The following GCNT1 variants were observed in gnomAD, a reference collection of about 807,000 sequenced individuals.
GCNT1 encodes the protein beta-1,3-galactosyl-O-glycosyl-glycoprotein beta-1,6-N-acetylglucosaminyltransferase.
In GCNT1, 16 loss-of-function variants were observed where a neutral mutation model predicts 26.2. The ratio of observed to expected loss-of-function variants is 0.61; its 90% CI spans 0.41 to 0.93. The LOEUF (loss-of-function observed/expected upper bound fraction) is 0.93. Ranked by LOEUF, GCNT1 falls within the 40% of genes least tolerant of loss-of-function variation. GCNT1 has a pLI of 0.00. For missense variants in GCNT1, 477 were observed against 526.7 expected (o/e 0.91, Z 0.92); for synonymous variants, 183 against 190.8 (o/e 0.96, Z 0.34).
chr9:76,402,513 A>G, the GCNT1 span, among the ~76,000 whole-genome samples: 18 of 152,152 alleles, frequency 1.2e-4, no homozygotes, highest in Admixed American at 1.2e-3. Context: ...AGAGCCTACG[A>G]CCTACTAAAC....
intron 2 of GCNT1, among the ~76,000 whole-genome samples, chr9:76,477,490 C>T (rs540928754): frequency 5.3e-5 from 8 of 150,620 alleles, no homozygotes; most frequent in Middle Eastern, 3.4e-3. Flanking sequence ...CATGCCACTG[C>T]ACTCTAGCCT....
At chr9:76,475,297 T>A (rs1048013952) in intron 2 of GCNT1, among the ~76,000 whole-genome samples, 2 of 152,202 alleles carry the variant, frequency 1.3e-5, no homozygotes, top group African/African-American at 4.8e-5. Context: ...ACAGCTTAGA[T>A]CACAAATCAG....
chr9:76,399,258 G>C, the GCNT1 span: 1 of 1,443,040 alleles, frequency 6.9e-7, no homozygotes, highest in Non-Finnish European at 9.6e-7. Flanking sequence ...CGCATGTGTA[G>C]CACGATTTCC....
intron 1 of GCNT1, among the ~76,000 whole-genome samples, chr9:76,448,942 C>T (rs78921830): frequency 0.026 from 4,012 of 152,224 alleles, 77 homozygotes; most frequent in Middle Eastern, 0.051. Flanking sequence ...TTCTTTTGGA[C>T]AGAAATGCTA....
chr9:76,397,699 C>G, the GCNT1 span, among the ~76,000 whole-genome samples: 1 of 152,134 alleles, frequency 6.6e-6, no homozygotes, highest in Non-Finnish European at 1.5e-5. Context: ...CTTCCTCGGC[C>G]TCCCAAGAAG....
At chr9:76,468,410 C>T (rs1410758655) in intron 2 of GCNT1, among the ~76,000 whole-genome samples, 3 of 152,110 alleles carry the variant, frequency 2.0e-5, no homozygotes, top group Admixed American at 6.6e-5. Context: ...TGTCCCTGAG[C>T]GGGTGATAGG....
At chr9:76,446,239 C>T (rs1823575503) in intron 1 of GCNT1, among the ~76,000 whole-genome samples, 1 of 152,122 alleles carries the variant, frequency 6.6e-6, no homozygotes, top group African/African-American at 2.4e-5. Flanking sequence ...ACTGGAGTGA[C>T]TCCAGTGCCC....
At chr9:76,465,838 G>C (rs1337042575) in intron 2 of GCNT1, among the ~76,000 whole-genome samples, 1 of 152,228 alleles carries the variant, frequency 6.6e-6, no homozygotes, top group East Asian at 1.9e-4. Flanking sequence ...AGGTAGCAAG[G>C]ATGATTCAAA....
intron 1 of GCNT1, among the ~76,000 whole-genome samples, chr9:76,435,245 C>G (rs1321196534): frequency 6.6e-6 from 1 of 152,114 alleles, no homozygotes; most frequent in South Asian, 2.1e-4. Context: ...GGGTGGGCAT[C>G]ATGGACCTAC....
intron 2 of GCNT1, among the ~76,000 whole-genome samples, chr9:76,492,905 C>T (rs1003413276): frequency 7.2e-5 from 11 of 152,060 alleles, no homozygotes; most frequent in Middle Eastern, 3.4e-3. Context: ...ACCGAGGTTG[C>T]GAGGTTTAAT....
intron 1 of GCNT1, among the ~76,000 whole-genome samples, chr9:76,432,074 A>C (rs751935496): frequency 5.3e-5 from 8 of 152,152 alleles, no homozygotes; most frequent in Non-Finnish European, 1.0e-4. Context: ...GCACCACTGC[A>C]CTCCAGCCTG....
chr9:76,441,168 C>T (rs573471290), upstream of GCNT1, among the ~76,000 whole-genome samples: 4 of 151,888 alleles, frequency 2.6e-5, no homozygotes, highest in South Asian at 8.3e-4. Flanking sequence ...TTGTTTGAGA[C>T]GAAGTCTTGC....
At chr9:76,443,461 A>C (rs1823513563) in intron 1 of GCNT1, among the ~76,000 whole-genome samples, 1 of 152,168 alleles carries the variant, frequency 6.6e-6, no homozygotes, top group Non-Finnish European at 1.5e-5. Context: ...GGGCTAGTTA[A>C]CTGCAGCAGG....
intron 2 of GCNT1, among the ~76,000 whole-genome samples, chr9:76,498,962 G>T (rs1167831806): frequency 6.6e-6 from 1 of 151,714 alleles, no homozygotes; most frequent in Non-Finnish European, 1.5e-5. Flanking sequence ...ATTTTTTCAT[G>T]TGGATTTGAG....
intron 1 of GCNT1, among the ~76,000 whole-genome samples, chr9:76,443,894 A>AAAGGAAGGAAGAAAGGAAGAAAGG (rs1554731372): frequency 7.9e-6 from 1 of 127,296 alleles, no homozygotes; most frequent in African/African-American, 3.2e-5. Flanking sequence ...AGAAAGAAAG[A>AAAGGAAGGAAGAAAGGAAGAAAGG]AAGAAAGGAA....
upstream of GCNT1, among the ~76,000 whole-genome samples, chr9:76,458,517 C>T (rs1007467152): frequency 6.6e-6 from 1 of 152,130 alleles, no homozygotes; most frequent in Non-Finnish European, 1.5e-5. Flanking sequence ...ACAAATAAGA[C>T]CTCGTTCTGT....
intron 1 of GCNT1, among the ~76,000 whole-genome samples, chr9:76,431,202 A>G (rs1823331941): frequency 6.6e-6 from 1 of 152,200 alleles, no homozygotes; most frequent in Admixed American, 6.5e-5. Context: ...AACTAGGTGC[A>G]CTGAAATTTA....
Position 76,502,469 on chromosome 9 carries a change from T to A in GCNT1, c.88T>A (p.Ser30Thr). ...TCTTGTTTTATCCCTAATCACCTTC[T>A]CCGTTTTAAGGATTCATCAAAAGCC... Reference protein sequence around the residue: ...MVLVLSLITFSVLRIHQKPEF... With the variant: ...MVLVLSLITFTVLRIHQKPEF... Residue 30 changes from serine to threonine, a missense_variant, in exon 4 of 4, where the codon TCC becomes ACC. By Grantham distance (58) the Ser-to-Thr change is moderately conservative. Coordinates refer to ENST00000376730, the MANE Select transcript of GCNT1 (RefSeq NM_001490.5). 2 of 1,613,636 alleles carry A rather than the reference T, an allele frequency of 1.2e-6. No homozygotes were observed. Among genetic ancestry groups the A allele is most frequent in the Non-Finnish European group, 1.7e-6 (2 of 1,179,574 alleles).
At chr9:76,426,596 G>C (rs1398774536) in intron 1 of GCNT1, among the ~76,000 whole-genome samples, 1 of 151,950 alleles carries the variant, frequency 6.6e-6, no homozygotes, top group Admixed American at 6.6e-5. Flanking sequence ...AATTAAATTA[G>C]ATAATAAATT....
Sources: gnomAD v4.1 joint callset for allele counts (sites outside exome capture counted in the v4.1 genomes callset) on GRCh38, gnomAD v4.1.1 for gene constraint, MANE v1.5 for transcripts, NCBI Gene and HGNC (gene_info 2026-07-23, HGNC 2026-07-21) for gene names.